ARHGEF7: variants seen among roughly 807,000 people sequenced by gnomAD.
ARHGEF7 encodes the protein PAK-interacting exchange factor beta.
A neutral mutation model predicts 109.8 loss-of-function variants in ARHGEF7; 33 were observed. The ratio of observed to expected loss-of-function variants is 0.30; its 90% confidence interval spans 0.23 to 0.40. ARHGEF7 has a LOEUF of 0.40. Among genes scored for constraint, ARHGEF7 ranks in the 10% least tolerant of loss-of-function variants. The pLI is 1.00. For missense variants in ARHGEF7, 938 were observed against 1,098.5 expected (o/e 0.85, Z 2.07); for synonymous variants, 458 against 424.6 (o/e 1.08, Z -0.97).
At chr13:111,206,960 T>TA (rs35814705) in intron 3 of ARHGEF7, among the ~76,000 whole-genome samples, 1,031 of 53,542 alleles carry the variant, frequency 0.019, 20 homozygotes, top group Middle Eastern at 0.078. Flanking sequence ...AGACTCCATC[T>TA]AAAAAAAAAA....
intron 1 of ARHGEF7, among the ~76,000 whole-genome samples, chr13:111,147,351 G>T (rs1289207121): frequency 6.6e-6 from 1 of 152,178 alleles, no homozygotes; most frequent in African/African-American, 2.4e-5. Context: ...GCCAACACTT[G>T]ATATATTGTC....
Position 111,273,232 on chromosome 13 carries a change from A to G in ARHGEF7, c.1074-582A>G, listed in dbSNP as rs1375820297. 6.6e-6 allele frequency among the ~76,000 whole-genome samples: 1 copy of G among 152,154 alleles called. No individual in the cohort carries two copies. The highest frequency in any genetic ancestry group is 2.4e-5 in the African/African-American group (1 of 41,436). On this transcript the variant is annotated intron_variant, in intron 9 of 21. Coordinates refer to ENST00000646102, the MANE Select transcript of ARHGEF7 (RefSeq NM_001354046.2). This position sits in a 1 kb window ranked among gnomAD's most constrained non-coding sequence, Gnocchi z 4.5. ...CTCACGTATTGTGAGGATTAAACTT[A>G]AAGCTTTTGAAGTTCTGAAGCCTAA...
intron 1 of ARHGEF7, chr13:111,153,633 G>A (rs2076037161): frequency 8.4e-7 from 1 of 1,189,296 alleles, no homozygotes; most frequent in Non-Finnish European, 1.0e-6. Context: ...GCGGGGGCGC[G>A]GTCTGAGGAC....
rs1485764102 is a variant in ARHGEF7, at chr13:111,273,278, C to T, written c.1074-536C>T. Among the ~76,000 whole-genome samples, 1 of 152,224 alleles carries T rather than the reference C, an allele frequency of 6.6e-6. No individual in the cohort carries two copies. The highest frequency in any genetic ancestry group is 1.5e-5 in the Non-Finnish European group (1 of 68,050). ...CCTAAATCAGCGTTTGCTCTCTTCTCTTGCTGCTTCTCGTGCTCCTCACCC... is the reference window on the plus strand; with the variant it reads ...CCTAAATCAGCGTTTGCTCTCTTCTTTTGCTGCTTCTCGTGCTCCTCACCC... On this transcript the variant is annotated intron_variant, in intron 9 of 21. Coordinates refer to ENST00000646102, the MANE Select transcript of ARHGEF7 (RefSeq NM_001354046.2). This position sits in a 1 kb window ranked among gnomAD's most constrained non-coding sequence, Gnocchi z 4.5.
chr13:111,119,254 A>G (rs900168565), intron 1 of ARHGEF7, among the ~76,000 whole-genome samples: 1 of 152,214 alleles, frequency 6.6e-6, no homozygotes, highest in South Asian at 2.1e-4. Flanking sequence ...AACCGATTAC[A>G]TCTGCATTAA....
At position 111,221,490 on chromosome 13, in the gene ARHGEF7, G is replaced by C. The variant is rs1274813435; in HGVS notation, c.670+3610G>C. ...ACATCTATATATATAGATATATATA[G>C]ACATATATATATCTATATATATAGA... On this transcript the variant is annotated intron_variant, in intron 5 of 21. Coordinates refer to ENST00000646102, the MANE Select transcript of ARHGEF7 (RefSeq NM_001354046.2). 8.0e-5 allele frequency among the ~76,000 whole-genome samples: 3 copies of C among 37,566 alleles called. 1 individual carries two copies. The highest frequency in any genetic ancestry group is 1.8e-4 in the African/African-American group (2 of 10,992). The allele number at this position is 37,566 out of a possible 152,430, so 24.6% of individuals were successfully genotyped here. A position where few individuals can be genotyped will look rare whatever the true frequency, so the allele number is the denominator to read the frequency against.
rs2091697873 is a variant in ARHGEF7, at chr13:111,266,942, C to G, written c.951-606C>G. 1 of 455,088 alleles carries G rather than the reference C, an allele frequency of 2.2e-6. No homozygotes were observed. The highest frequency in any genetic ancestry group is 4.4e-6 in the Non-Finnish European group (1 of 226,096). 28.2% of individuals were successfully genotyped at this position (455,088 alleles called of 1,614,324 possible). On this transcript the variant is annotated intron_variant, in intron 8 of 21. Transcript: ENST00000646102. The surrounding 1 kb of genome is among the most constrained non-coding windows in gnomAD (Gnocchi z 4.8). ...ACACTGAGGCGGCACCACCAGGGGCCCTGATGCCCACAGCTTGTGCCGACT... is the reference window on the plus strand; with the variant it reads ...ACACTGAGGCGGCACCACCAGGGGCGCTGATGCCCACAGCTTGTGCCGACT...
At chr13:111,166,206 T>C (rs1566681927) in intron 2 of ARHGEF7, among the ~76,000 whole-genome samples, 1 of 152,154 alleles carries the variant, frequency 6.6e-6, no homozygotes, top group Non-Finnish European at 1.5e-5. Flanking sequence ...CTGATTTTGG[T>C]CATTTTCCTC....
intron 8 of ARHGEF7, among the ~76,000 whole-genome samples, chr13:111,250,669 C>T (rs1157703869): frequency 2.0e-5 from 3 of 152,178 alleles, no homozygotes; most frequent in Non-Finnish European, 4.4e-5. Flanking sequence ...ACATTTCAAA[C>T]CCAGCTGCAA....
At chr13:111,120,166 A>G (rs1283612246) in intron 1 of ARHGEF7, among the ~76,000 whole-genome samples, 1 of 152,246 alleles carries the variant, frequency 6.6e-6, no homozygotes, top group Non-Finnish European at 1.5e-5. Context: ...ACCCTGAACC[A>G]GTGTGATTCT....
intron 3 of ARHGEF7, 50 bp downstream of exon 3, chr13:111,205,423 G>A (rs1306293829): frequency 7.5e-7 from 1 of 1,339,614 alleles, no homozygotes; most frequent in Non-Finnish European, 1.0e-6. Context: ...CATACGGGCT[G>A]ACACCTTTGG....
At chr13:111,190,694 A>G (rs1462537710) in intron 2 of ARHGEF7, among the ~76,000 whole-genome samples, 1 of 152,182 alleles carries the variant, frequency 6.6e-6, no homozygotes, top group African/African-American at 2.4e-5. Context: ...GGGTACTGAT[A>G]AAGTCTGATT....
At chr13:111,252,982 G>T (rs1800285864) in intron 8 of ARHGEF7, among the ~76,000 whole-genome samples, 1 of 152,240 alleles carries the variant, frequency 6.6e-6, no homozygotes, top group African/African-American at 2.4e-5. Flanking sequence ...CCCAGCGAGA[G>T]CCCCCAGCCA....
intron 19 of ARHGEF7, chr13:111,295,006 T>C: frequency 2.0e-6 from 2 of 985,830 alleles, no homozygotes; most frequent in Non-Finnish European, 2.4e-6. Flanking sequence ...TCTTTATCTG[T>C]GAATGGGAAA....
intron 9 of ARHGEF7, among the ~76,000 whole-genome samples, chr13:111,270,611 T>C (rs2092064363): frequency 6.6e-6 from 1 of 152,284 alleles, no homozygotes; most frequent in Non-Finnish European, 1.5e-5. Context: ...TGAGGGTAAC[T>C]GTTTAGTTTT....
chr13:111,278,779 C>T (rs1422719394), intron 13 of ARHGEF7, among the ~76,000 whole-genome samples: 1 of 152,212 alleles, frequency 6.6e-6, no homozygotes, highest in Admixed American at 6.5e-5. Flanking sequence ...GATTTTATAT[C>T]CCCAGAATCT....
At chr13:111,249,623 T>C (rs1277536874) in intron 8 of ARHGEF7, among the ~76,000 whole-genome samples, 1 of 152,156 alleles carries the variant, frequency 6.6e-6, no homozygotes, top group Non-Finnish European at 1.5e-5. Flanking sequence ...CTCTTGTCCT[T>C]GTCTGTACCT....
chr13:111,188,199 G>A (rs912014403), intron 2 of ARHGEF7, among the ~76,000 whole-genome samples: 3 of 152,176 alleles, frequency 2.0e-5, no homozygotes, highest in African/African-American at 7.2e-5. Flanking sequence ...CTGTGGAGCT[G>A]TCTTGGTAGC....
chr13:111,142,622 T>G (rs1202425891), intron 1 of ARHGEF7, among the ~76,000 whole-genome samples: 2 of 152,232 alleles, frequency 1.3e-5, no homozygotes, highest in Non-Finnish European at 2.9e-5. Context: ...TGGCCAATGC[T>G]TCCTGCCCTC....
Sources: allele counts gnomAD v4.1 joint callset (sites outside exome capture counted in the v4.1 genomes callset), GRCh38; gene constraint gnomAD v4.1.1; non-coding constraint Gnocchi (gnomAD v3.1); transcripts MANE v1.5; gene names NCBI Gene and HGNC (gene_info 2026-07-23, HGNC 2026-07-21).